SEC62: variants seen among roughly 807,000 people sequenced by gnomAD.
SEC62 encodes SEC62 preprotein translocation factor, also known as translocation protein SEC62.
Under a neutral mutation model 47.5 loss-of-function variants are expected in SEC62, and 10 were observed. The ratio of observed to expected loss-of-function variants is 0.21; its 90% confidence interval spans 0.13 to 0.36. The LOEUF (loss-of-function observed/expected upper bound fraction) is 0.36, where lower values mean the gene tolerates loss of function less well. SEC62 is among the 10% of genes least tolerant of loss of function. The probability of loss-of-function intolerance (pLI) is 1.00; values close to 1 mark genes in which losing one functional copy is unlikely to be tolerated. For synonymous variants in SEC62, 136 were observed against 150.5 expected (o/e 0.90, Z 0.71); for missense variants, 327 against 464.1 (o/e 0.70, Z 2.71).
chr3:169,984,072 G>A (rs1242222560), intron 5 of SEC62: 1 of 152,142 alleles, frequency 6.6e-6, no homozygotes, highest in Non-Finnish European at 1.5e-5. Context: ...ACTGGGCATT[G>A]AACTGTTGTG....
chr3:169,991,094 C>T (rs2108288902), intron 7 of SEC62, among the ~76,000 whole-genome samples: 1 of 152,284 alleles, frequency 6.6e-6, no homozygotes, highest in East Asian at 1.9e-4. Flanking sequence ...TAACTCATTA[C>T]TACAAATTTT....
At chr3:169,974,667 A>C (rs1432362674) in intron 1 of SEC62, among the ~76,000 whole-genome samples, 2 of 152,094 alleles carry the variant, frequency 1.3e-5, no homozygotes, top group Non-Finnish European at 2.9e-5. Context: ...TGCATTTTTC[A>C]TTTTTGCCTC....
chr3:169,978,548 A>T (rs180968255), intron 3 of SEC62: 54 of 152,020 alleles, frequency 3.6e-4, no homozygotes, highest in African/African-American at 1.3e-3. Context: ...CAACATAGCG[A>T]AACCCCATCT....
chr3:169,978,860 T>C (rs1714905872), intron 3 of SEC62, among the ~76,000 whole-genome samples: 1 of 152,198 alleles, frequency 6.6e-6, no homozygotes, highest in South Asian at 2.1e-4. Flanking sequence ...TATCTAAGGC[T>C]ACACAGCTAG....
intron 7 of SEC62, among the ~76,000 whole-genome samples, chr3:169,989,900 C>T (rs1045962467): frequency 6.7e-6 from 1 of 149,216 alleles, no homozygotes; most frequent in African/African-American, 2.4e-5. Context: ...TTAGATATTT[C>T]TTTTATATTA....
intron 5 of SEC62, 60 bp from the exon 6 acceptor site, chr3:169,985,745 G>A (rs1424224768): frequency 8.3e-6 from 11 of 1,332,386 alleles, no homozygotes; most frequent in Non-Finnish European, 1.2e-5. Context: ...ATAGAATTAA[G>A]CATTACTTTC....
chr3:169,998,233 C>T lies in SEC62; in HGVS notation c.*5170C>T, dbSNP rs1291768030. 2 of 152,146 alleles carry T rather than the reference C, an allele frequency of 1.3e-5. No individual in the cohort carries two copies. The highest frequency in any genetic ancestry group is 4.8e-5 in the African/African-American group (2 of 41,428). The allele number at this position is 152,146 out of a possible 1,614,324, so 9.4% of individuals were successfully genotyped here. A position where few individuals can be genotyped will look rare whatever the true frequency, so the allele number is the denominator to read the frequency against. On this transcript the variant is annotated 3_prime_UTR_variant, in exon 8 of 8. Transcript: ENST00000337002. ...AATAGGACTATAACTTATTCAAAGG[C>T]CAATGATACTTCGCATAATTCAATT...
chr3:169,982,984 C>T, intron 4 of SEC62, 73 bp downstream of exon 4: 1 of 1,530,772 alleles, frequency 6.5e-7, no homozygotes, highest in South Asian at 1.3e-5. Context: ...CCTATGAGCA[C>T]ATTTAAGTAT....
At chr3:169,971,272 A>G (rs1714692600) in intron 1 of SEC62, among the ~76,000 whole-genome samples, 1 of 151,932 alleles carries the variant, frequency 6.6e-6, no homozygotes, top group Non-Finnish European at 1.5e-5. Context: ...ATGGAGTATC[A>G]GAAAGTTACC....
chr3:169,982,058 A>G (rs1407593609), intron 3 of SEC62, among the ~76,000 whole-genome samples: 1 of 152,170 alleles, frequency 6.6e-6, no homozygotes, highest in African/African-American at 2.4e-5. Flanking sequence ...AAAACAATCT[A>G]TTTAGAGAGA....
intron 3 of SEC62, among the ~76,000 whole-genome samples, chr3:169,980,601 T>C (rs1266958832): frequency 1.3e-5 from 2 of 152,218 alleles, no homozygotes; most frequent in African/African-American, 4.8e-5. Context: ...TATCTACTCA[T>C]CAGGGAAAAG....
chr3:169,985,607 ATCCTATAATCAT>A (rs1379812000), intron 5 of SEC62, 186 bp from the exon 6 acceptor site: 1 of 454,428 alleles, frequency 2.2e-6, no homozygotes, highest in Non-Finnish European at 3.9e-6. Context: ...ATTTATAGTT[ATCCTATAATCAT>A]TTTCTAGCGC....
At position 169,995,870 on chromosome 3, in the gene SEC62, A is replaced by C. The variant is rs1317956777; in HGVS notation, c.*2807A>C. 6.6e-6 allele frequency: 1 copy of C among 152,196 alleles called. No homozygotes were observed. Among genetic ancestry groups the C allele is most frequent in the Non-Finnish European group, 1.5e-5 (1 of 68,034 alleles). 9.4% of individuals were successfully genotyped at this position (152,196 alleles called of 1,614,324 possible). A position where few individuals can be genotyped will look rare whatever the true frequency, so the allele number is the denominator to read the frequency against. On this transcript the variant is annotated 3_prime_UTR_variant, in exon 8 of 8. Transcript: ENST00000337002. Reference sequence around the variant, plus strand: ...ATTCATTAACATTGAAGTCATGACCAACAACACTGTAACTCATGCCTGAAT... The same window carrying C: ...ATTCATTAACATTGAAGTCATGACCCACAACACTGTAACTCATGCCTGAAT...
chr3:169,980,589 A>G (rs2108283794), intron 3 of SEC62, among the ~76,000 whole-genome samples: 1 of 152,376 alleles, frequency 6.6e-6, no homozygotes, highest in South Asian at 2.1e-4. Flanking sequence ...TATTGCCTTC[A>G]GTATCTACTC....
Position 169,994,062 on chromosome 3 carries a change from A to T in SEC62, c.*999A>T, listed in dbSNP as rs1715314777. 6.6e-6 allele frequency: 1 copy of T among 152,568 alleles called. No individual in the cohort carries two copies. The highest frequency in any genetic ancestry group is 2.1e-4 in the South Asian group (1 of 4,828). The allele number at this position is 152,568 out of a possible 1,614,324, so 9.5% of individuals were successfully genotyped here. On this transcript the variant is annotated 3_prime_UTR_variant, in exon 8 of 8. Coordinates refer to ENST00000337002, the MANE Select transcript of SEC62 (RefSeq NM_003262.4). ...TTAATGTTCATTTTGATTTATTTTA[A>T]ATCTTTACATTCAGAAATGAGATAC...
chr3:169,991,213 A>T (rs1715240517), intron 7 of SEC62, among the ~76,000 whole-genome samples: 1 of 152,142 alleles, frequency 6.6e-6, no homozygotes, highest in South Asian at 2.1e-4. Flanking sequence ...ATTTTTCCTA[A>T]TATTGAGAGG....
At chr3:169,989,382 T>C (rs1715185116) in intron 7 of SEC62, among the ~76,000 whole-genome samples, 2 of 33,638 alleles carry the variant, frequency 5.9e-5, no homozygotes, top group South Asian at 1.1e-3. Context: ...ACGCCCAGCC[T>C]CCTTCCTCTG....
At chr3:169,973,886 G>C (rs1000561259) in intron 1 of SEC62, among the ~76,000 whole-genome samples, 9 of 152,118 alleles carry the variant, frequency 5.9e-5, no homozygotes, top group Non-Finnish European at 8.8e-5. Context: ...TAGAGGACTT[G>C]CGAAATACAA....
At chr3:169,985,958 C>T in intron 6 of SEC62, 93 bp downstream of exon 6, 1 of 779,942 alleles carries the variant, frequency 1.3e-6, no homozygotes, top group South Asian at 1.9e-5. Context: ...CTAAATTTAA[C>T]ATAAAATAGT....
Sources: gnomAD v4.1 joint callset for allele counts (sites outside exome capture counted in the v4.1 genomes callset) on GRCh38, gnomAD v4.1.1 for gene constraint, MANE v1.5 for transcripts, NCBI Gene and HGNC (gene_info 2026-07-23, HGNC 2026-07-21) for gene names.